IDH3A: variants seen among roughly 807,000 people sequenced by gnomAD.
IDH3A encodes the protein isocitrate dehydrogenase (NAD(+)) 3 catalytic subunit alpha, also known as isocitrate dehydrogenase [NAD] subunit alpha, mitochondrial.
A neutral mutation model predicts 43.3 loss-of-function variants in IDH3A; 23 were observed. The ratio of observed to expected loss-of-function variants is 0.53; its 90% CI spans 0.38 to 0.75. IDH3A has a LOEUF of 0.75. Among genes scored for constraint, IDH3A ranks in the 30% least tolerant of loss-of-function variants. The pLI is 0.00. For missense variants in IDH3A, 329 were observed against 474.4 expected, an observed-to-expected ratio of 0.69 and a Z score of 2.85; for synonymous variants, 154 against 163.5, an observed-to-expected ratio of 0.94 and a Z score of 0.44.
In IDH3A at chr15:78,169,711, T is replaced by TTAA. The variant is rs1226460154; in HGVS notation, c.*709_*711dup. 6.6e-6 allele frequency: 1 copy of TTAA among 152,198 alleles called. No homozygotes were observed. The highest frequency in any genetic ancestry group is 1.9e-4 in the East Asian group (1 of 5,198). 9.4% of individuals were successfully genotyped at this position (152,198 alleles called of 1,614,324 possible). On this transcript the variant is annotated 3_prime_UTR_variant, in exon 11 of 11. Coordinates refer to ENST00000299518, the MANE Select transcript of IDH3A (RefSeq NM_005530.3). ...TTCAATTATTTTGTTGTCTTGAGATTTAATATTCTTTCCAAGAGCTTTTAA... is the reference window on the plus strand; with the variant it reads ...TTCAATTATTTTGTTGTCTTGAGATTTAATAATATTCTTTCCAAGAGCTTTTAA...
chr15:78,158,634 G>T lies in IDH3A; in HGVS notation c.174+1003G>T, dbSNP rs1387035020. 2.0e-5 allele frequency among the ~76,000 whole-genome samples: 3 copies of T among 149,348 alleles called. No homozygotes were observed. In the East Asian group the frequency reaches 5.9e-4, roughly 29 times the overall value. On this transcript the variant is annotated intron_variant, in intron 3 of 10. Transcript: ENST00000299518. ...TGGGATTACAGGCACATGCCACCAC[G>T]CCTGGCTAATTTTTTTATTTTTAGT...
chr15:78,151,356 AC>A (rs1567067432), intron 1 of IDH3A: 1 of 152,188 alleles, frequency 6.6e-6, no homozygotes, highest in African/African-American at 2.4e-5. Flanking sequence ...TGGGCGGATC[AC>A]TTGAGGTCGG....
chr15:78,158,463 ATTTTTTTTTTTTTTTTTT>A (rs67298643), intron 3 of IDH3A, among the ~76,000 whole-genome samples: 2 of 67,388 alleles, frequency 3.0e-5, no homozygotes, highest in Non-Finnish European at 5.9e-5. Flanking sequence ...ATATATATAT[ATTTTTTTTTTTTTTTTTT>A]TTTTTTTTTT....
chr15:78,159,988 C>T (rs931701981), intron 3 of IDH3A, 104 bp from the exon 4 acceptor site: 3 of 724,878 alleles, frequency 4.1e-6, no homozygotes, highest in Non-Finnish European at 7.5e-6. Flanking sequence ...GAGCGGGACT[C>T]TATCTCAAAA....
At chr15:78,149,488 A>G in intron 1 of IDH3A, 58 bp downstream of exon 1, 2 of 1,452,998 alleles carry the variant, frequency 1.4e-6, no homozygotes, top group South Asian at 1.3e-5. Context: ...CTGGCAGGAG[A>G]GCCGGTCGCG....
At chr15:78,162,646 A>G (rs1315891510) in intron 6 of IDH3A, among the ~76,000 whole-genome samples, 2 of 146,124 alleles carry the variant, frequency 1.4e-5, no homozygotes, top group Admixed American at 7.1e-5. Context: ...CCCGGGTTCC[A>G]GCAATTCTCT....
In IDH3A at chr15:78,162,224, T is replaced by C. The variant is rs199766773; in HGVS notation, c.478-10T>C. 1.2e-5 allele frequency: 20 copies of C among 1,614,084 alleles called. No individual in the cohort carries two copies. In the African/African-American group the frequency reaches 2.3e-4, roughly 18 times the overall value. ...CTCTTTCCAGCAAGGTGGGACTTCC[T>C]GTCTTGCAGATTGTTGATGGAGTCG... On this transcript the variant is annotated splice_polypyrimidine_tract_variant and intron_variant, in intron 5 of 10. Transcript: ENST00000299518.
At chr15:78,150,383 A>G (rs2074564143) in intron 1 of IDH3A, among the ~76,000 whole-genome samples, 1 of 152,216 alleles carries the variant, frequency 6.6e-6, no homozygotes, top group Non-Finnish European at 1.5e-5. Context: ...TCCTGTTGCT[A>G]TGAAAGGGTG....
At chr15:78,164,311 C>A (rs896592870) in intron 8 of IDH3A, among the ~76,000 whole-genome samples, 1 of 151,512 alleles carries the variant, frequency 6.6e-6, no homozygotes, top group African/African-American at 2.4e-5. Flanking sequence ...CTCTCCCCCC[C>A]CGACACACAC....
At position 78,158,448 on chromosome 15, in the gene IDH3A, C is replaced by CATATAT. The variant is rs1555429599; in HGVS notation, c.174+828_174+833dup. 9.8e-3 allele frequency among the ~76,000 whole-genome samples: 276 copies of CATATAT among 28,238 alleles called. 17 individuals carry two copies. The highest frequency in any genetic ancestry group is 0.068 in the Middle Eastern group (3 of 44). 18.5% of individuals were successfully genotyped at this position (28,238 alleles called of 152,430 possible). ...TCATAGGTTATGCAATACATACATA[C>CATATAT]ATATATATATATATATTTTTTTTTT... On this transcript the variant is annotated intron_variant, in intron 3 of 10. Transcript: ENST00000299518.
intron 2 of IDH3A, among the ~76,000 whole-genome samples, chr15:78,156,298 A>G (rs1393394466): frequency 6.6e-6 from 1 of 152,184 alleles, no homozygotes; most frequent in Non-Finnish European, 1.5e-5. Flanking sequence ...TTGAAGAAAT[A>G]AGAGGATGTA....
chr15:78,161,504 A>G lies in IDH3A; in HGVS notation c.290-77A>G. The G allele has an allele frequency of 8.9e-7, 1 of 1,118,804 alleles. No homozygotes were observed. Among genetic ancestry groups the G allele is most frequent in the Non-Finnish European group, 1.3e-6 (1 of 761,902 alleles). The allele number at this position is 1,118,804 out of a possible 1,614,324, so 69.3% of individuals were successfully genotyped here. On this transcript the variant is annotated intron_variant, in intron 4 of 10. Transcript: ENST00000299518. The surrounding 1 kb of genome is among the most constrained non-coding windows in gnomAD (Gnocchi z 4.8). Reference sequence around the variant, plus strand: ...AGAGGCAGAACACATTTCACAAGGTAGCCGAGGTGGGTTAGTAGGTCACAC... The same window carrying G: ...AGAGGCAGAACACATTTCACAAGGTGGCCGAGGTGGGTTAGTAGGTCACAC...
intron 9 of IDH3A, 168 bp from the exon 10 acceptor site, chr15:78,165,982 C>A (rs962481782): frequency 1.6e-6 from 1 of 638,656 alleles, no homozygotes; most frequent in Non-Finnish European, 2.7e-6. Flanking sequence ...AGCTATCACG[C>A]CCAACCCAGA....
At chr15:78,149,462 A>T (rs1455521318) in intron 1 of IDH3A, 32 bp downstream of exon 1, 1 of 1,520,644 alleles carries the variant, frequency 6.6e-7, no homozygotes, top group Non-Finnish European at 8.8e-7. Flanking sequence ...TGTGGCAGGC[A>T]GGCAGGCCGC....
chr15:78,157,384 T>G, intron 2 of IDH3A, 164 bp from the exon 3 acceptor site: 1 of 631,578 alleles, frequency 1.6e-6, no homozygotes, highest in Non-Finnish European at 2.6e-6. Flanking sequence ...TGTTGATTCC[T>G]GCCTCCCCTT....
rs541376515 is a variant in IDH3A at position 78,162,324 on chromosome 15, A to C, written c.568A>C (p.Asn190His). Residue 190 changes from asparagine to histidine, a missense_variant, in exon 6 of 11, where the codon AAC becomes CAC. By Grantham distance (68) the Asn-to-His change is moderately conservative. This residue lies in a region of IDH3A where 212 missense variants were observed against 345.5 expected (regional missense o/e 0.61). Transcript: ENST00000299518. The stretch of plus-strand genomic sequence containing the variant: ...GTTTGCCTTTGAGTATGCCCGGAAC[A>C]ACCACCGGAGCAACGTCACGGCGGT... Reference protein sequence around the residue: ...AEFAFEYARNNHRSNVTAVHK... With the variant: ...AEFAFEYARNHHRSNVTAVHK... 6 of 1,614,160 alleles carry C rather than the reference A, an allele frequency of 3.7e-6. No homozygotes were observed. The highest frequency in any genetic ancestry group is 1.7e-5 in the Admixed American group (1 of 60,012).
rs1407595124 is a variant in IDH3A at position 78,169,555 on chromosome 15, A to G, written c.*550A>G. ...TAAATGATATGGAAAATAGAGACAG[A>G]TTTGTCCTTTACAGAAATTACTGAG... is the stretch of plus-strand genomic sequence containing the variant. On this transcript the variant is annotated 3_prime_UTR_variant, in exon 11 of 11. Coordinates refer to ENST00000299518, the MANE Select transcript of IDH3A (RefSeq NM_005530.3). 2.6e-5 allele frequency: 4 copies of G among 152,242 alleles called. No individual in the cohort carries two copies. Among genetic ancestry groups the G allele is most frequent in the African/African-American group, 9.6e-5 (4 of 41,462 alleles). The allele number at this position is 152,242 out of a possible 1,614,324, so 9.4% of individuals were successfully genotyped here.
intron 2 of IDH3A, 130 bp from the exon 3 acceptor site, chr15:78,157,414 ATGTT>A: frequency 1.5e-6 from 1 of 665,324 alleles, no homozygotes; most frequent in South Asian, 2.1e-5. Flanking sequence ...CCGGGGAGGT[ATGTT>A]TGTTTTCTTA....
intron 10 of IDH3A, chr15:78,168,284 T>A (rs543760282): frequency 1.3e-5 from 2 of 151,712 alleles, no homozygotes; most frequent in South Asian, 4.2e-4. Flanking sequence ...GTTAATGATT[T>A]AAATATTTCT....
Sources: allele counts gnomAD v4.1 joint callset (sites outside exome capture counted in the v4.1 genomes callset), GRCh38; gene constraint gnomAD v4.1.1; regional missense constraint gnomAD v4.1.1; non-coding constraint Gnocchi (gnomAD v3.1); transcripts MANE v1.5; gene names NCBI Gene and HGNC (gene_info 2026-07-23, HGNC 2026-07-21).